The following CYP39A1 variants were observed in gnomAD, a reference collection of about 807,000 sequenced individuals.
The protein encoded by CYP39A1 is 24-hydroxycholesterol 7-alpha-hydroxylase.
CYP39A1 carries 49 observed loss-of-function variants against 58.1 expected under a neutral mutation model. That is an observed-to-expected ratio of 0.84 (90% confidence interval 0.67 to 1.07). The LOEUF (loss-of-function observed/expected upper bound fraction) is 1.07, where lower values mean the gene tolerates loss of function less well. Ranked by LOEUF, CYP39A1 falls within the 50% of genes least tolerant of loss-of-function variation. CYP39A1 has a pLI of 0.00. For missense variants in CYP39A1, 531 were observed against 539.4 expected (o/e 0.98, Z 0.16); for synonymous variants, 209 against 187.6 (o/e 1.11, Z -0.93).
chr6:46,559,793 C>G (rs1770871721), intron 10 of CYP39A1, among the ~76,000 whole-genome samples: 2 of 152,142 alleles, frequency 1.3e-5, no homozygotes, highest in Admixed American at 1.3e-4. Flanking sequence ...AAAAAAGTGA[C>G]TTTTATGGGA....
chr6:46,553,733 T>C lies in CYP39A1; in HGVS notation c.1338+34A>G, dbSNP rs112772809. Reference sequence around the variant, plus strand: ...GGGGTGGTTATGTCATATTTATAAGTAGTCATGATACTCAAAATTCTGAAA... The same window carrying C: ...GGGGTGGTTATGTCATATTTATAAGCAGTCATGATACTCAAAATTCTGAAA... On this transcript the variant is annotated intron_variant, in intron 11 of 11. Transcript: ENST00000275016. 5.1e-4 allele frequency: 701 copies of C among 1,387,906 alleles called. 3 individuals carry two copies. In the African/African-American group the frequency reaches 8.5e-3, roughly 17 times the overall value. The allele number at this position is 1,387,906 out of a possible 1,614,324, so 86.0% of individuals were successfully genotyped here.
At chr6:46,597,190 C>A (rs1469015057) in intron 7 of CYP39A1, among the ~76,000 whole-genome samples, 1 of 151,968 alleles carries the variant, frequency 6.6e-6, no homozygotes, top group Non-Finnish European at 1.5e-5. Flanking sequence ...AGTCTAGGAA[C>A]CTATGAACTC....
chr6:46,580,268 C>G (rs962026180), intron 10 of CYP39A1, among the ~76,000 whole-genome samples: 1 of 152,054 alleles, frequency 6.6e-6, no homozygotes, highest in Non-Finnish European at 1.5e-5. Context: ...ATACCCTGTT[C>G]AATAAATGGT....
chr6:46,631,036 G>A lies in CYP39A1; in HGVS notation c.767C>T (p.Thr256Met), dbSNP rs144622436. The change falls in exon 6 of 12, where the codon ACG becomes ATG. Residue 256 changes from threonine (T) to methionine (M), a missense_variant. Physicochemically the swap from Thr to Met is moderately conservative, Grantham distance 81. Coordinates refer to ENST00000275016, the MANE Select transcript of CYP39A1 (RefSeq NM_016593.5). Reference protein sequence around the residue: ...LLQATLDIVETETSKENSPNY... With the variant: ...LLQATLDIVEMETSKENSPNY... ...GGGTGAGTTTTCCTTACTTGTTTCC[G>A]TCTCTACAATATCCAGCGTAGCTTG... is the stretch of plus-strand genomic sequence containing the variant. The A allele has an allele frequency of 2.4e-5, 38 of 1,613,764 alleles. No homozygotes were observed. The highest frequency in any genetic ancestry group is 6.7e-5 in the East Asian group (3 of 44,862).
In CYP39A1 at chr6:46,549,882, C is replaced by T. The variant is rs1267171882; in HGVS notation, c.*484G>A. The T allele has an allele frequency of 2.6e-5, 4 of 152,332 alleles. No homozygotes were observed. The highest frequency in any genetic ancestry group is 9.7e-5 in the African/African-American group (4 of 41,364). 9.4% of individuals were successfully genotyped at this position (152,332 alleles called of 1,614,324 possible). On this transcript the variant is annotated 3_prime_UTR_variant, in exon 12 of 12. Transcript: ENST00000275016. ...CAATAAAGAATTATGTTAATAGAGC[C>T]TAGGAGTTCCAATTGCTAGTTGAGA...
intron 5 of CYP39A1, among the ~76,000 whole-genome samples, chr6:46,631,714 T>C (rs1775671811): frequency 6.6e-6 from 1 of 152,174 alleles, no homozygotes; most frequent in South Asian, 2.1e-4. Flanking sequence ...AATACCACAA[T>C]ACTCTAAAAC....
chr6:46,619,473 T>C (rs1774826930), intron 7 of CYP39A1, among the ~76,000 whole-genome samples: 1 of 152,084 alleles, frequency 6.6e-6, no homozygotes, highest in Non-Finnish European at 1.5e-5. Context: ...AGTGATTCTC[T>C]AACTTGTCTT....
At chr6:46,611,609 T>TA (rs1561989939) in intron 7 of CYP39A1, among the ~76,000 whole-genome samples, 1 of 152,142 alleles carries the variant, frequency 6.6e-6, no homozygotes, top group African/African-American at 2.4e-5. Context: ...TCTCATATTT[T>TA]AAAAAAGAGA....
chr6:46,593,765 C>CA (rs544368614), intron 8 of CYP39A1, among the ~76,000 whole-genome samples: 2 of 151,804 alleles, frequency 1.3e-5, no homozygotes, highest in South Asian at 2.1e-4. Context: ...CAAATCATTT[C>CA]AAAAAAAATA....
chr6:46,639,754 A>C, intron 2 of CYP39A1, 86 bp from the exon 3 acceptor site: 1 of 1,164,338 alleles, frequency 8.6e-7, no homozygotes, highest in Non-Finnish European at 1.2e-6. Flanking sequence ...TTTGGTCAGC[A>C]GGGACTACAG....
intron 10 of CYP39A1, among the ~76,000 whole-genome samples, chr6:46,565,416 A>T (rs1771221031): frequency 6.6e-6 from 1 of 152,078 alleles, no homozygotes; most frequent in African/African-American, 2.4e-5. Context: ...TAAATATAGA[A>T]AAAAAAGAAC....
chr6:46,562,387 A>G (rs1165241578), intron 10 of CYP39A1, among the ~76,000 whole-genome samples: 1 of 152,192 alleles, frequency 6.6e-6, no homozygotes, highest in Non-Finnish European at 1.5e-5. Context: ...TGCCTATCTT[A>G]AACAGCTTAA....
At chr6:46,556,133 G>T (rs1476298147) in intron 10 of CYP39A1, among the ~76,000 whole-genome samples, 1 of 152,156 alleles carries the variant, frequency 6.6e-6, no homozygotes, top group Non-Finnish European at 1.5e-5. Context: ...ACAAAAGTTG[G>T]TGTTATCTTC....
At chr6:46,649,560 T>C (rs1762540517) in intron 1 of CYP39A1, among the ~76,000 whole-genome samples, 1 of 152,230 alleles carries the variant, frequency 6.6e-6, no homozygotes, top group Non-Finnish European at 1.5e-5. Flanking sequence ...TATATGGTAC[T>C]AATATGTAAA....
chr6:46,558,212 T>G (rs886084681), intron 10 of CYP39A1, among the ~76,000 whole-genome samples: 15 of 152,148 alleles, frequency 9.9e-5, no homozygotes, highest in African/African-American at 3.6e-4. Context: ...TATTCATCTG[T>G]TCTCACACTG....
chr6:46,596,002 C>CTTCA lies in CYP39A1; in HGVS notation c.1046_1049dup (p.Lys350AsnfsTer15). 1 of 1,609,378 alleles carries CTTCA rather than the reference C, an allele frequency of 6.2e-7. No individual in the cohort carries two copies. Among genetic ancestry groups the CTTCA allele is most frequent in the Non-Finnish European group, 8.5e-7 (1 of 1,178,238 alleles). ...CAAAGCTTACCAAAATTTCCACAGG[C>CTTCA]TTCACCACTTTTCTAGTAATGACAC... On this transcript the variant is annotated frameshift_variant, in exon 8 of 12. Coordinates refer to ENST00000275016, the MANE Select transcript of CYP39A1 (RefSeq NM_016593.5). LOFTEE classifies it high-confidence loss of function.
At chr6:46,614,958 A>G (rs1192878839) in intron 7 of CYP39A1, among the ~76,000 whole-genome samples, 2 of 152,118 alleles carry the variant, frequency 1.3e-5, no homozygotes, top group Admixed American at 6.6e-5. Flanking sequence ...TTCATCCTGC[A>G]ATACCTGCAG....
chr6:46,645,460 T>G (rs1458060445), intron 1 of CYP39A1, among the ~76,000 whole-genome samples: 1 of 152,134 alleles, frequency 6.6e-6, no homozygotes, highest in Admixed American at 6.5e-5. Flanking sequence ...GAGTTGTTTT[T>G]GCACCTTTGC....
intron 8 of CYP39A1, among the ~76,000 whole-genome samples, chr6:46,590,220 G>A (rs1467386252): frequency 1.3e-5 from 2 of 152,194 alleles, no homozygotes; most frequent in Non-Finnish European, 1.5e-5. Context: ...GCAAAGGGAA[G>A]CTACAACTTC....
Sources: gnomAD v4.1 joint callset for allele counts (sites outside exome capture counted in the v4.1 genomes callset) on GRCh38, gnomAD v4.1.1 for gene constraint, MANE v1.5 for transcripts, NCBI Gene and HGNC (gene_info 2026-07-23, HGNC 2026-07-21) for gene names.